Variants in L3MBTL3 observed in about 807,000 individuals in gnomAD.
L3MBTL3 encodes the protein L3MBTL histone methyl-lysine binding protein 3, also known as lethal(3)malignant brain tumor-like protein 3.
A neutral mutation model predicts 102.3 loss-of-function variants in L3MBTL3; 27 were observed. The observed-to-expected ratio is 0.26, with a 90% CI of 0.19 to 0.36. The LOEUF is 0.36. L3MBTL3 is among the 10% of genes least tolerant of loss of function. The pLI is 1.00. For synonymous variants in L3MBTL3, 340 were observed against 320.9 expected, an observed-to-expected ratio of 1.06 and a Z score of -0.64; for missense variants, 798 against 955.3, an observed-to-expected ratio of 0.84 and a Z score of 2.17.
chr6:130,039,201 T>C (rs1780256033), intron 2 of L3MBTL3, among the ~76,000 whole-genome samples: 1 of 152,166 alleles, frequency 6.6e-6, no homozygotes, highest in Non-Finnish European at 1.5e-5. Context: ...CATCCGCTTA[T>C]TAATTTAGAG....
At chr6:130,051,534 T>C in intron 6 of L3MBTL3, 126 bp downstream of exon 6, 1 of 850,182 alleles carries the variant, frequency 1.2e-6, no homozygotes, top group Non-Finnish European at 1.8e-6. Flanking sequence ...CCAGAGACTT[T>C]TCCTTTAGGG....
At chr6:130,073,030 TTATTTACTGTGTTCTTCTGTTCCTCC>T (rs958745299) in intron 13 of L3MBTL3, among the ~76,000 whole-genome samples, 18 of 152,312 alleles carry the variant, frequency 1.2e-4, no homozygotes, top group Middle Eastern at 3.4e-3. Flanking sequence ...AAACCTCATC[TTATTTACTGTGTTCTTCTGTTCCTCC>T]TATTTACTGT....
Position 130,135,183 on chromosome 6 carries a change from C to T in L3MBTL3, c.2199+1278C>T, listed in dbSNP as rs190166324. ...AGAGGCGATTCTCCTGCCTCAGCCA[C>T]CTGAGTAGCTGGGATTACAGGTGCC... On this transcript the variant is annotated intron_variant, in intron 22 of 22. Coordinates refer to ENST00000361794, the MANE Select transcript of L3MBTL3 (RefSeq NM_032438.4). 8.2e-4 allele frequency among the ~76,000 whole-genome samples: 124 copies of T among 151,720 alleles called. 1 individual carries two copies. Among genetic ancestry groups the T allele is most frequent in the African/African-American group, 2.9e-3 (118 of 41,302 alleles).
chr6:130,069,067 G>C (rs1182742073), intron 12 of L3MBTL3, among the ~76,000 whole-genome samples: 1 of 152,172 alleles, frequency 6.6e-6, no homozygotes, highest in Admixed American at 6.5e-5. Context: ...TGCATGGCTT[G>C]TATCTGCAGA....
chr6:130,083,614 T>C lies in L3MBTL3; in HGVS notation c.1322-6T>C. 1 of 1,392,624 alleles carries C rather than the reference T, an allele frequency of 7.2e-7. No homozygotes were observed. The highest frequency in any genetic ancestry group is 1.3e-5 in the South Asian group (1 of 77,574). 86.3% of individuals were successfully genotyped at this position (1,392,624 alleles called of 1,614,324 possible). A position where few individuals can be genotyped will look rare whatever the true frequency, so the allele number is the denominator to read the frequency against. On this transcript the variant is annotated splice_region_variant and splice_polypyrimidine_tract_variant and intron_variant, in intron 14 of 22. Coordinates refer to ENST00000361794, the MANE Select transcript of L3MBTL3 (RefSeq NM_032438.4). ...ACCTCATAGGATTTACATTTTTCTT[T>C]CTTAGGTTATCCAAATGTGAAACAT...
intron 20 of L3MBTL3, among the ~76,000 whole-genome samples, chr6:130,121,447 G>T (rs1256332960): frequency 6.6e-6 from 1 of 152,044 alleles, no homozygotes; most frequent in African/African-American, 2.4e-5. Flanking sequence ...TTTAAGTTTG[G>T]TTAACTTATT....
At chr6:130,058,223 G>C (rs996240243) in intron 9 of L3MBTL3, among the ~76,000 whole-genome samples, 3 of 151,098 alleles carry the variant, frequency 2.0e-5, no homozygotes, top group Non-Finnish European at 2.9e-5. Flanking sequence ...ATCTAAAAAT[G>C]GGTCACTATA....
chr6:130,056,921 C>T (rs534173871), intron 8 of L3MBTL3, among the ~76,000 whole-genome samples: 13 of 152,254 alleles, frequency 8.5e-5, no homozygotes, highest in Admixed American at 2.6e-4. Context: ...ATATATAAAA[C>T]TAATATTAAC....
At chr6:130,123,945 C>T (rs1156558696) in intron 20 of L3MBTL3, among the ~76,000 whole-genome samples, 2 of 152,092 alleles carry the variant, frequency 1.3e-5, no homozygotes, top group Non-Finnish European at 2.9e-5. Context: ...TATGGGGTTC[C>T]CTGGAAACAG....
chr6:130,020,131 G>T (rs909374527), intron 1 of L3MBTL3, among the ~76,000 whole-genome samples: 3 of 151,306 alleles, frequency 2.0e-5, no homozygotes, highest in Admixed American at 6.6e-5. Flanking sequence ...GCCGGCGCCG[G>T]GGCCACCGCC....
rs142020636 is a variant in L3MBTL3 at position 130,057,479 on chromosome 6, G to T, written c.741G>T (p.Pro247=). The T allele has an allele frequency of 1.4e-4, 223 of 1,609,050 alleles. No individual in the cohort carries two copies. The African/African-American group carries it at 2.8e-3, about 20-fold the overall frequency. Residue 247 remains proline (P), a synonymous_variant, in exon 9 of 23, where the codon CCG becomes CCT. Coordinates refer to ENST00000361794, the MANE Select transcript of L3MBTL3 (RefSeq NM_032438.4). The stretch of plus-strand genomic sequence containing the variant: ...AAGAGGAGAAAGCGGTGGCAGTGCC[G>T]GCGAAGCTGTTCAAGGAGGTACGGG... ...YLEEEKAVAV[P]AKLFKEHQSF... is the part of the protein sequence containing the mutation.
chr6:130,112,786 T>G (rs1439984606), intron 19 of L3MBTL3, among the ~76,000 whole-genome samples: 3 of 152,206 alleles, frequency 2.0e-5, no homozygotes, highest in Non-Finnish European at 2.9e-5. Flanking sequence ...GTCAAATGGG[T>G]GTGAGTGAAG....
At chr6:130,024,874 C>T (rs1225371615) in intron 2 of L3MBTL3, among the ~76,000 whole-genome samples, 1 of 152,150 alleles carries the variant, frequency 6.6e-6, no homozygotes, top group East Asian at 1.9e-4. Flanking sequence ...GATGAGGGCT[C>T]TAGCACTCTT....
chr6:130,095,762 G>A (rs1784325813), intron 18 of L3MBTL3, among the ~76,000 whole-genome samples: 1 of 152,210 alleles, frequency 6.6e-6, no homozygotes, highest in East Asian at 1.9e-4. Context: ...GCGGAAGGTA[G>A]AGGGCAAGAG....
chr6:130,130,911 G>C (rs1786963941), intron 20 of L3MBTL3, among the ~76,000 whole-genome samples: 1 of 152,094 alleles, frequency 6.6e-6, no homozygotes, highest in Middle Eastern at 3.2e-3. Context: ...TTTGGATTAG[G>C]CTAGTTTAAG....
rs1329783867 is a variant in L3MBTL3, at chr6:130,068,316, T to C, written c.1001-14T>C. On this transcript the variant is annotated splice_polypyrimidine_tract_variant and intron_variant, in intron 11 of 22. Transcript: ENST00000361794. ...TGGTATTTGAATCAATCTGTTCATATGTGCTTACTCTAGGGTATAAAGAAG... is the reference window on the plus strand; with the variant it reads ...TGGTATTTGAATCAATCTGTTCATACGTGCTTACTCTAGGGTATAAAGAAG... The C allele has an allele frequency of 7.0e-6, 10 of 1,435,714 alleles. No individual in the cohort carries two copies. The South Asian group carries it at 1.0e-4, about 15-fold the overall frequency. 88.9% of individuals were successfully genotyped at this position (1,435,714 alleles called of 1,614,324 possible).
At chr6:130,119,041 C>G (rs1785933766) in intron 19 of L3MBTL3, among the ~76,000 whole-genome samples, 1 of 152,014 alleles carries the variant, frequency 6.6e-6, no homozygotes, top group Non-Finnish European at 1.5e-5. Flanking sequence ...GAATAGTATA[C>G]TTTAATAAAT....
At chr6:130,049,906 C>T (rs1051911986) in intron 5 of L3MBTL3, 76 bp downstream of exon 5, 1 of 1,521,042 alleles carries the variant, frequency 6.6e-7, no homozygotes, top group African/African-American at 1.4e-5. Context: ...CCTGCTCTTT[C>T]TTCCCTAACC....
intron 2 of L3MBTL3, among the ~76,000 whole-genome samples, chr6:130,037,226 A>G (rs980265575): frequency 6.6e-6 from 1 of 152,200 alleles, no homozygotes; most frequent in Admixed American, 6.5e-5. Flanking sequence ...AATAACCAGG[A>G]TAGTCACAGC....
Sources: allele counts gnomAD v4.1 joint callset (sites outside exome capture counted in the v4.1 genomes callset), GRCh38; gene constraint gnomAD v4.1.1; transcripts MANE v1.5; gene names NCBI Gene and HGNC (gene_info 2026-07-23, HGNC 2026-07-21).